Variants in COG7 observed in about 807,000 individuals in gnomAD.
The protein encoded by COG7 is conserved oligomeric Golgi complex subunit 7.
Under a neutral mutation model 91.5 loss-of-function variants are expected in COG7, and 49 were observed. The observed-to-expected ratio is 0.54, with a 90% CI of 0.43 to 0.68. The LOEUF is 0.68. Among genes scored for constraint, COG7 ranks in the 30% least tolerant of loss-of-function variants. The pLI is 0.00. For synonymous variants in COG7, 365 were observed against 388.7 expected (o/e 0.94, Z 0.72); for missense variants, 895 against 961.3 (o/e 0.93, Z 0.91).
chr16:23,405,859 T>C (rs1963452055), intron 12 of COG7, among the ~76,000 whole-genome samples: 1 of 152,170 alleles, frequency 6.6e-6, no homozygotes, highest in Non-Finnish European at 1.5e-5. Context: ...GTAATAAAGA[T>C]CCATCTCTTC....
intron 1 of COG7, among the ~76,000 whole-genome samples, chr16:23,450,487 C>T (rs763020576): frequency 3.3e-5 from 5 of 152,132 alleles, no homozygotes; most frequent in Non-Finnish European, 5.9e-5. Flanking sequence ...CATTTCTGGA[C>T]ACATGCATAG....
chr16:23,403,676 G>C lies in COG7; in HGVS notation c.1803+18C>G, dbSNP rs763862958. ...GGCAGGACCCGGGAAAAATTGATGT[G>C]GTCAGTGAGAAACTCACGTCCATCT... On this transcript the variant is annotated intron_variant, in intron 13 of 16. Coordinates refer to ENST00000307149, the MANE Select transcript of COG7 (RefSeq NM_153603.4). The C allele has an allele frequency of 3.7e-6, 6 of 1,613,726 alleles. No individual in the cohort carries two copies. Among genetic ancestry groups the C allele is most frequent in the Non-Finnish European group, 4.2e-6 (5 of 1,179,770 alleles).
intron 6 of COG7, among the ~76,000 whole-genome samples, chr16:23,431,187 T>C (rs1963928798): frequency 6.6e-6 from 1 of 152,070 alleles, no homozygotes; most frequent in African/African-American, 2.4e-5. Context: ...CCCTCAACAT[T>C]TTTATATATT....
intron 10 of COG7, among the ~76,000 whole-genome samples, chr16:23,411,033 AT>A (rs1012149444): frequency 6.6e-6 from 1 of 152,216 alleles, no homozygotes; most frequent in African/African-American, 2.4e-5. Flanking sequence ...AACAAAAAAA[AT>A]GTATCACTTA....
At chr16:23,451,945 ACAGGCT>A (rs1217917304) in intron 1 of COG7, among the ~76,000 whole-genome samples, 1 of 152,122 alleles carries the variant, frequency 6.6e-6, no homozygotes, top group Non-Finnish European at 1.5e-5. Context: ...TTGGTACAAA[ACAGGCT>A]CTTTAACTCT....
At chr16:23,445,665 A>G (rs1964169412) in intron 2 of COG7, 148 bp downstream of exon 2, 1 of 830,090 alleles carries the variant, frequency 1.2e-6, no homozygotes, top group Admixed American at 2.0e-5. Context: ...TCTCAAAAAA[A>G]AAAGAGCATA....
chr16:23,421,850 C>CAAAAAA (rs369425955), intron 7 of COG7, among the ~76,000 whole-genome samples: 7 of 47,634 alleles, frequency 1.5e-4, no homozygotes, highest in Middle Eastern at 0.013. Context: ...GACTCCATCT[C>CAAAAAA]AAAAAAAAAA....
chr16:23,402,658 C>T (rs962748350), intron 13 of COG7, among the ~76,000 whole-genome samples: 2 of 152,234 alleles, frequency 1.3e-5, no homozygotes, highest in Non-Finnish European at 2.9e-5. Context: ...ATTTCTGCTA[C>T]AGCTCTCCTC....
intron 4 of COG7, among the ~76,000 whole-genome samples, chr16:23,440,008 G>A (rs556323969): frequency 1.3e-5 from 2 of 151,328 alleles, no homozygotes; most frequent in African/African-American, 2.4e-5. Context: ...TAAGGCTTCA[G>A]GAGGCTGAGG....
chr16:23,427,311 T>C (rs1963864835), intron 6 of COG7, among the ~76,000 whole-genome samples: 1 of 150,498 alleles, frequency 6.6e-6, no homozygotes, highest in African/African-American at 2.5e-5. Flanking sequence ...ACGCCTGTAA[T>C]CACAGCAGTT....
intron 10 of COG7, 109 bp downstream of exon 10, chr16:23,413,338 AG>A: frequency 1.3e-6 from 1 of 775,850 alleles, no homozygotes; most frequent in Non-Finnish European, 2.4e-6. Context: ...AGGCAGTGAA[AG>A]AAAAAAAACG....
intron 10 of COG7, among the ~76,000 whole-genome samples, chr16:23,411,446 C>T (rs1399486811): frequency 3.9e-5 from 6 of 152,284 alleles, no homozygotes; most frequent in Non-Finnish European, 8.8e-5. Flanking sequence ...TAATATTTTC[C>T]AGAATACCAA....
At chr16:23,411,475 G>C (rs1393042211) in intron 10 of COG7, among the ~76,000 whole-genome samples, 1 of 152,102 alleles carries the variant, frequency 6.6e-6, no homozygotes, top group Non-Finnish European at 1.5e-5. Flanking sequence ...GGGTGATAAG[G>C]GATACAGTTA....
At chr16:23,391,283 C>G (rs941080686) in intron 16 of COG7, among the ~76,000 whole-genome samples, 16 of 152,284 alleles carry the variant, frequency 1.1e-4, no homozygotes, top group African/African-American at 3.8e-4. Flanking sequence ...AGGGGCAATC[C>G]CTAGATTTCA....
chr16:23,392,324 G>T, intron 16 of COG7, 56 bp downstream of exon 16: 1 of 1,612,266 alleles, frequency 6.2e-7, no homozygotes, highest in South Asian at 1.1e-5. Flanking sequence ...AGGAGAAACT[G>T]ACAGATGCAG....
intron 6 of COG7, among the ~76,000 whole-genome samples, chr16:23,431,531 C>T (rs902515810): frequency 5.3e-5 from 8 of 151,860 alleles, no homozygotes; most frequent in Non-Finnish European, 7.4e-5. Context: ...TTTTCTTGGC[C>T]GGGCACAGTG....
chr16:23,419,523 C>G (rs1338306339), intron 7 of COG7, among the ~76,000 whole-genome samples: 1 of 151,000 alleles, frequency 6.6e-6, no homozygotes, highest in African/African-American at 2.4e-5. Context: ...CGGAGGTGGG[C>G]GTATCACCTG....
chr16:23,404,251 G>A (rs568040928), intron 12 of COG7, among the ~76,000 whole-genome samples: 1 of 152,336 alleles, frequency 6.6e-6, no homozygotes, highest in Non-Finnish European at 1.5e-5. Flanking sequence ...TAATTCCCGG[G>A]GAGGTCAGGT....
rs377542270 is a variant in COG7 at position 23,434,655 on chromosome 16, T to A, written c.668A>T (p.Tyr223Phe). 5.1e-5 allele frequency: 82 copies of A among 1,613,550 alleles called. No individual in the cohort carries two copies. The highest frequency in any genetic ancestry group is 6.7e-5 in the Non-Finnish European group (79 of 1,179,540). The change falls in exon 5 of 17, where the codon TAC (tyrosine) becomes TTC (phenylalanine). Residue 223 changes from tyrosine to phenylalanine, a missense_variant. Coordinates refer to ENST00000307149, the MANE Select transcript of COG7 (RefSeq NM_153603.4). ...TCTTACCTTGTGACACTTGTAGTAG[T>A]AGGCCAGGAGCTGGGGCATCCGGTC... ...EIDRMPQLLA[Y>F]YYKCHKVQLL... is the part of the protein sequence containing the mutation.
Sources: allele counts gnomAD v4.1 joint callset (sites outside exome capture counted in the v4.1 genomes callset), GRCh38; gene constraint gnomAD v4.1.1; transcripts MANE v1.5; gene names NCBI Gene and HGNC (gene_info 2026-07-23, HGNC 2026-07-21).